XPR1: variants seen among roughly 807,000 people sequenced by gnomAD.
XPR1 encodes solute carrier family 53 member 1.
In XPR1, 28 loss-of-function variants were observed where a neutral mutation model predicts 87.5. The ratio of observed to expected loss-of-function variants is 0.32; its 90% CI spans 0.24 to 0.44. The LOEUF is 0.44. XPR1 is among the 20% of genes least tolerant of loss of function. The pLI is 1.00. For missense variants in XPR1, 559 were observed against 862.3 expected (o/e 0.65, Z 4.41); for synonymous variants, 300 against 306.1 (o/e 0.98, Z 0.21).
chr1:180,711,223 A>G (rs1471056294), intron 2 of XPR1, among the ~76,000 whole-genome samples: 1 of 152,174 alleles, frequency 6.6e-6, no homozygotes, highest in African/African-American at 2.4e-5. Flanking sequence ...GCGGCCGGGC[A>G]GAGGCTGCAA....
intron 2 of XPR1, among the ~76,000 whole-genome samples, chr1:180,723,516 C>T (rs187607347): frequency 6.6e-4 from 100 of 152,280 alleles, no homozygotes; most frequent in African/African-American, 2.2e-3. Flanking sequence ...TTCCTTATAG[C>T]AGGAACTACT....
intron 2 of XPR1, among the ~76,000 whole-genome samples, chr1:180,714,349 TTCTCTCTC>T (rs71121047): frequency 0.11 from 7,603 of 72,046 alleles, 511 homozygotes; most frequent in East Asian, 0.37. Flanking sequence ...TTTTTCCCTG[TTCTCTCTC>T]TCTCTCTCTC....
At chr1:180,873,208 G>A (rs3789366) in intron 12 of XPR1, among the ~76,000 whole-genome samples, 40,042 of 151,964 alleles carry the variant, frequency 0.26, 5,768 homozygotes, top group East Asian at 0.55. Flanking sequence ...AACTGGACTG[G>A]ACTCCTAAAT....
intron 6 of XPR1, among the ~76,000 whole-genome samples, chr1:180,809,271 C>A (rs1454127749): frequency 6.6e-6 from 1 of 151,966 alleles, no homozygotes; most frequent in Non-Finnish European, 1.5e-5. Context: ...GTAGGGTAGG[C>A]TGGGAGGAAA....
chr1:180,872,922 G>A (rs552019807), intron 12 of XPR1, among the ~76,000 whole-genome samples: 2 of 151,294 alleles, frequency 1.3e-5, no homozygotes, highest in South Asian at 4.2e-4. Context: ...GAAAATGTTC[G>A]GTCTCTAGGG....
At position 180,889,933 on chromosome 1, in the gene XPR1, A is replaced by C. The variant is rs1044080964; in HGVS notation, c.*5867A>C. ...CTTCCTTCCCTCTTTTTTCTCCCTC[A>C]CTCTCTTTCTCAGTCTCCACTCTGG... On this transcript the variant is annotated 3_prime_UTR_variant, in exon 15 of 15. Coordinates refer to ENST00000367590, the MANE Select transcript of XPR1 (RefSeq NM_004736.4). The C allele has an allele frequency of 1.3e-5, 2 of 151,204 alleles. No homozygotes were observed. The highest frequency in any genetic ancestry group is 2.4e-5 in the African/African-American group (1 of 41,078). 9.4% of individuals were successfully genotyped at this position (151,204 alleles called of 1,614,324 possible).
chr1:180,816,316 T>A (rs1650409923), intron 7 of XPR1, among the ~76,000 whole-genome samples: 1 of 152,218 alleles, frequency 6.6e-6, no homozygotes. Context: ...CGTTCTCCTC[T>A]GAGAATCTAA....
At chr1:180,734,197 G>A in intron 2 of XPR1, among the ~76,000 whole-genome samples, 1 of 152,186 alleles carries the variant, frequency 6.6e-6, no homozygotes, top group Non-Finnish European at 1.5e-5. Context: ...AACACCGGGG[G>A]TTCAGTTTAG....
intron 9 of XPR1, among the ~76,000 whole-genome samples, chr1:180,827,099 A>AAGTG (rs1342131215): frequency 7.0e-6 from 1 of 143,376 alleles, no homozygotes; most frequent in African/African-American, 2.6e-5. Context: ...AGTTGCAGTG[A>AAGTG]GCCAAGATGG....
intron 2 of XPR1, among the ~76,000 whole-genome samples, chr1:180,695,386 TTTTAG>T (rs1365408698): frequency 1.3e-5 from 2 of 151,466 alleles, no homozygotes; most frequent in African/African-American, 2.4e-5. Flanking sequence ...TGCAGAAGCC[TTTTAG>T]TTTAATGTAG....
At chr1:180,798,115 CA>C in intron 3 of XPR1, among the ~76,000 whole-genome samples, 1 of 151,894 alleles carries the variant, frequency 6.6e-6, no homozygotes. Context: ...TACTTCAAAA[CA>C]CTAAAGTGAT....
At chr1:180,685,382 G>T (rs1172347059) in intron 2 of XPR1, among the ~76,000 whole-genome samples, 4 of 152,176 alleles carry the variant, frequency 2.6e-5, no homozygotes, top group Non-Finnish European at 5.9e-5. Context: ...GCTGGATTTG[G>T]TTTGTCAGTA....
At chr1:180,751,468 G>T (rs532806311) in intron 2 of XPR1, among the ~76,000 whole-genome samples, 2 of 152,016 alleles carry the variant, frequency 1.3e-5, no homozygotes, top group South Asian at 4.2e-4. Flanking sequence ...ATGGGTTTCT[G>T]ATTTTTACAG....
At position 180,880,219 on chromosome 1, in the gene XPR1, G is replaced by T. The variant is rs1350945246; in HGVS notation, c.1952G>T (p.Gly651Val). ...GAACAGATGATGGACCAGGATGATG[G>T]GGTACGAAACCGCCAGAAGAATCGG... ...LLEQMMDQDD[G>V]VRNRQKNRSW... The change falls in exon 14 of 15, where the codon GGG (glycine) becomes GTG (valine). Residue 651 changes from glycine (G) to valine (V), a missense_variant. Gly to Val is a moderately radical substitution (Grantham distance 109). Around this residue, in one of 7 missense-constraint regions of XPR1, gnomAD observed 80 missense variants for 99.5 expected, o/e 0.80. Transcript: ENST00000367590. 6.2e-7 allele frequency: 1 copy of T among 1,614,148 alleles called. No homozygotes were observed. The highest frequency in any genetic ancestry group is 1.7e-5 in the Admixed American group (1 of 60,014).
intron 2 of XPR1, among the ~76,000 whole-genome samples, chr1:180,733,444 A>G (rs1052083347): frequency 6.6e-6 from 1 of 152,208 alleles, no homozygotes; most frequent in Non-Finnish European, 1.5e-5. Flanking sequence ...CAACAAATAC[A>G]GTCAGTATTG....
intron 7 of XPR1, among the ~76,000 whole-genome samples, chr1:180,814,982 A>G (rs912503647): frequency 2.0e-5 from 3 of 152,136 alleles, no homozygotes; most frequent in Non-Finnish European, 4.4e-5. Flanking sequence ...ATTAGATGAT[A>G]AGGGTGAAAA....
chr1:180,687,148 G>T (rs915065827), intron 2 of XPR1, among the ~76,000 whole-genome samples: 40 of 152,062 alleles, frequency 2.6e-4, no homozygotes, highest in Non-Finnish European at 5.0e-4. Context: ...CCCTGAGTAA[G>T]TTGCTTTAAT....
At chr1:180,845,265 A>T (rs1172390479) in intron 11 of XPR1, among the ~76,000 whole-genome samples, 1 of 152,194 alleles carries the variant, frequency 6.6e-6, no homozygotes, top group Non-Finnish European at 1.5e-5. Flanking sequence ...AATTCTCTCG[A>T]ATCTTAAAAT....
At position 180,789,592 on chromosome 1, in the gene XPR1, C is replaced by CT. The variant is rs139856632; in HGVS notation, c.223+1747dup. On this transcript the variant is annotated intron_variant, in intron 3 of 14. Coordinates refer to ENST00000367590, the MANE Select transcript of XPR1 (RefSeq NM_004736.4). ...TACTCTTTTTTTGTCTTCTTTTTTC[C>CT]TTTTTTTTTGGAGAATGGGGTCTTG... is the stretch of plus-strand genomic sequence containing the variant. Among the ~76,000 whole-genome samples, 1,128 of 150,086 alleles carry CT rather than the reference C, an allele frequency of 7.5e-3. 21 individuals carry two copies. Among genetic ancestry groups the CT allele is most frequent in the African/African-American group, 0.025 (1,021 of 40,844 alleles).
Sources: gnomAD v4.1 joint callset for allele counts (sites outside exome capture counted in the v4.1 genomes callset) on GRCh38, gnomAD v4.1.1 for gene constraint, gnomAD v4.1.1 regional missense constraint, MANE v1.5 for transcripts, NCBI Gene and HGNC (gene_info 2026-07-23, HGNC 2026-07-21) for gene names.